DNHD1: variants seen among roughly 807,000 people sequenced by gnomAD.
DNHD1 encodes the protein dynein heavy chain domain 1.
Under a neutral mutation model 458.1 loss-of-function variants are expected in DNHD1, and 383 were observed. The observed-to-expected ratio is 0.84, with a 90% CI of 0.77 to 0.91. DNHD1 has a LOEUF of 0.91. Among genes scored for constraint, DNHD1 ranks in the 40% least tolerant of loss-of-function variants. The probability of loss-of-function intolerance (pLI) is 0.00; values close to 1 mark genes in which losing one functional copy is unlikely to be tolerated. For missense variants in DNHD1, 5,336 were observed against 5,866.1 expected, an observed-to-expected ratio of 0.91 and a Z score of 2.95; for synonymous variants, 2,203 against 2,376.9, an observed-to-expected ratio of 0.93 and a Z score of 2.13.
intron 28 of DNHD1, among the ~76,000 whole-genome samples, chr11:6,561,075 C>A (rs1299374271): frequency 6.6e-6 from 1 of 152,124 alleles, no homozygotes; most frequent in Non-Finnish European, 1.5e-5. Context: ...GAGGATTAAA[C>A]AAGATCTTAC....
Position 6,498,780 on chromosome 11 carries a change from A to G in DNHD1, c.565A>G (p.Thr189Ala). ...EELATWLRPL[T>A]LPELQRCLGI... ...GCTGGCCACCTGGCTGCGACCATTG[A>G]CACTGCCTGAGCTACAGCGCTGCCT... The change falls in exon 3 of 43, where the codon ACA becomes GCA. Residue 189 changes from threonine to alanine, a missense_variant. This residue lies in a region of DNHD1 where 3,932 missense variants were observed against 4,365.6 expected (regional missense o/e 0.90). Coordinates refer to ENST00000254579, the MANE Select transcript of DNHD1 (RefSeq NM_144666.3). The G allele has an allele frequency of 6.2e-7, 1 of 1,614,188 alleles. No homozygotes were observed. The highest frequency in any genetic ancestry group is 2.2e-5 in the East Asian group (1 of 44,886).
At position 6,548,896 on chromosome 11, in the gene DNHD1, C is replaced by T. The variant is rs1404533398; in HGVS notation, c.7350C>T (p.Leu2450=). The change falls in exon 24 of 43, where the codon CTC becomes CTT. Residue 2450 remains leucine, a synonymous_variant. Transcript: ENST00000254579. The surrounding 1 kb of genome is among the most constrained non-coding windows in gnomAD (Gnocchi z 4.4). ...ATCACCAGGATTCTAAACCCTCCCT[C>T]CTCTTCTTGCTGGAGGACCTGCACC... ...PGHHQDSKPS[L]LFLLEDLHLA... 3.9e-6 allele frequency: 6 copies of T among 1,551,730 alleles called. No homozygotes were observed. In the South Asian group the frequency reaches 5.9e-5, roughly 15 times the overall value.
chr11:6,503,006 C>T (rs1852168576), intron 4 of DNHD1, 80 bp downstream of exon 4: 17 of 1,504,888 alleles, frequency 1.1e-5, no homozygotes, highest in South Asian at 3.6e-5. Context: ...TCTTTCTCCA[C>T]GTGCGCACCC....
At chr11:6,551,808 G>GC (rs1373142721) in intron 24 of DNHD1, among the ~76,000 whole-genome samples, 1 of 152,158 alleles carries the variant, frequency 6.6e-6, no homozygotes, top group Non-Finnish European at 1.5e-5. Context: ...GGGCATGGTG[G>GC]CATGTACCTG....
chr11:6,501,474 T>A (rs1370822879), intron 3 of DNHD1, among the ~76,000 whole-genome samples: 2 of 152,008 alleles, frequency 1.3e-5, no homozygotes, highest in Non-Finnish European at 2.9e-5. Context: ...ATGGAGGAAT[T>A]AATCTTACAG....
chr11:6,563,529 G>A lies in DNHD1; in HGVS notation c.9817G>A (p.Ala3273Thr). 1 of 1,551,672 alleles carries A rather than the reference G, an allele frequency of 6.4e-7. No individual in the cohort carries two copies. Among genetic ancestry groups the A allele is most frequent in the Non-Finnish European group, 8.7e-7 (1 of 1,146,984 alleles). Residue 3273 changes from alanine to threonine, a missense_variant, in exon 30 of 43, where the codon GCC (alanine) becomes ACC (threonine). Ala to Thr is a moderately conservative substitution (Grantham distance 58). This residue lies in a region of DNHD1 where 3,932 missense variants were observed against 4,365.6 expected (regional missense o/e 0.90). Coordinates refer to ENST00000254579, the MANE Select transcript of DNHD1 (RefSeq NM_144666.3). ...CCACCATGAAACAGGCTGGGCCAGT[G>A]CCAAACAGCTGTTATGCACTGAGGA... ...LFHHETGWAS[A>T]KQLLCTEDFY...
chr11:6,524,114 T>C (rs1329318773), intron 10 of DNHD1, among the ~76,000 whole-genome samples: 1 of 152,250 alleles, frequency 6.6e-6, no homozygotes, highest in Non-Finnish European at 1.5e-5. Context: ...ATAGACTAGC[T>C]TTTCTTTCCA....
chr11:6,563,493 T>G lies in DNHD1; in HGVS notation c.9781T>G (p.Cys3261Gly). ...TGTGGTCCGGGTAACTGATGCAATG[T>G]GTGACTTGTTCCACCATGAAACAGG... is the stretch of plus-strand genomic sequence containing the variant. ...ESVVRVTDAM[C>G]DLFHHETGWA... The change falls in exon 30 of 43, where the codon TGT (cysteine) becomes GGT (glycine). Residue 3261 changes from cysteine (C) to glycine (G), a missense_variant. Coordinates refer to ENST00000254579, the MANE Select transcript of DNHD1 (RefSeq NM_144666.3). 6.4e-7 allele frequency: 1 copy of G among 1,551,710 alleles called. No individual in the cohort carries two copies.
rs57125759 is a variant in DNHD1 at position 6,527,472 on chromosome 11, T to C, written c.1838-1050T>C. ...CTATAAAGATTTTGACTGGAGAAACTGGAAGAACAGAGTTTCCATTTACTG... is the reference window on the plus strand; with the variant it reads ...CTATAAAGATTTTGACTGGAGAAACCGGAAGAACAGAGTTTCCATTTACTG... On this transcript the variant is annotated intron_variant, in intron 10 of 42. Coordinates refer to ENST00000254579, the MANE Select transcript of DNHD1 (RefSeq NM_144666.3). Among the ~76,000 whole-genome samples, 964 of 152,342 alleles carry C rather than the reference T, an allele frequency of 6.3e-3. 15 individuals carry two copies. The highest frequency in any genetic ancestry group is 0.021 in the African/African-American group (885 of 41,588).
rs1230474541 is a variant in DNHD1, at chr11:6,564,136, C to A, written c.10284+12C>A. ...CTACACAGCTCCAGGTAACCATCCC[C>A]CTCCCAGATGTCTCCCCCAAAGTTC... is the stretch of plus-strand genomic sequence containing the variant. On this transcript the variant is annotated intron_variant, in intron 31 of 42. Coordinates refer to ENST00000254579, the MANE Select transcript of DNHD1 (RefSeq NM_144666.3). 2 of 1,545,824 alleles carry A rather than the reference C, an allele frequency of 1.3e-6. No homozygotes were observed. The highest frequency in any genetic ancestry group is 3.9e-5 in the Admixed American group (2 of 50,926).
chr11:6,533,249 A>T, intron 13 of DNHD1, 65 bp downstream of exon 13: 1 of 1,488,146 alleles, frequency 6.7e-7, no homozygotes, highest in Non-Finnish European at 9.1e-7. Flanking sequence ...AGCTCAGCAC[A>T]CTCTCTTCAG....
Position 6,534,100 on chromosome 11 carries a change from C to G in DNHD1, c.2925C>G (p.Val975=), listed in dbSNP as rs1332837384. The G allele has an allele frequency of 1.9e-6, 3 of 1,551,530 alleles. No individual in the cohort carries two copies. Among genetic ancestry groups the G allele is most frequent in the Non-Finnish European group, 1.7e-6 (2 of 1,146,944 alleles). ...AGAGGAGTACTGAGCACCAGCTCGT[C>G]TCCCTAGAGCGTCAGTTCCAGAACA... The part of the protein sequence containing the change: ...QDQRSTEHQL[V]SLERQFQNTV... The change falls in exon 14 of 43, where the codon GTC becomes GTG. Residue 975 remains valine (V), a synonymous_variant. Coordinates refer to ENST00000254579, the MANE Select transcript of DNHD1 (RefSeq NM_144666.3).
chr11:6,552,076 T>TA (rs562119046), intron 24 of DNHD1, among the ~76,000 whole-genome samples: 1,626 of 145,326 alleles, frequency 0.011, 91 homozygotes, highest in African/African-American at 0.018. Flanking sequence ...GACCCTCATT[T>TA]AAAAAAAAAA....
intron 10 of DNHD1, among the ~76,000 whole-genome samples, chr11:6,522,961 G>C (rs1037112676): frequency 6.6e-6 from 1 of 152,174 alleles, no homozygotes; most frequent in Non-Finnish European, 1.5e-5. Context: ...CTAAACAAGA[G>C]AGTATTACTG....
chr11:6,539,739 C>G, intron 17 of DNHD1, 137 bp from the exon 18 acceptor site: 1 of 766,874 alleles, frequency 1.3e-6, no homozygotes. Context: ...GTCCCACTCT[C>G]GCTTCATCTC....
At chr11:6,499,086 C>A in intron 3 of DNHD1, 125 bp downstream of exon 3, 1 of 1,124,898 alleles carries the variant, frequency 8.9e-7, no homozygotes, top group Non-Finnish European at 1.2e-6. Context: ...AGCCCAACTC[C>A]ACACAAAGCT....
At chr11:6,515,085 A>G (rs1852432168) in intron 7 of DNHD1, among the ~76,000 whole-genome samples, 1 of 152,196 alleles carries the variant, frequency 6.6e-6, no homozygotes, top group South Asian at 2.1e-4. Flanking sequence ...TAGCTCATTG[A>G]TCCCTTCATG....
At chr11:6,550,592 C>T (rs1203173806) in intron 24 of DNHD1, among the ~76,000 whole-genome samples, 1 of 152,126 alleles carries the variant, frequency 6.6e-6, no homozygotes, top group Admixed American at 6.5e-5. Context: ...AGAATAGAAA[C>T]TGACCCTGAG....
intron 3 of DNHD1, among the ~76,000 whole-genome samples, chr11:6,501,945 T>C (rs539338371): frequency 1.3e-5 from 2 of 152,318 alleles, no homozygotes; most frequent in South Asian, 4.1e-4. Flanking sequence ...AGAATAGGAT[T>C]GCACTGTTAT....
Sources: allele counts gnomAD v4.1 joint callset (sites outside exome capture counted in the v4.1 genomes callset), GRCh38; gene constraint gnomAD v4.1.1; regional missense constraint gnomAD v4.1.1; non-coding constraint Gnocchi (gnomAD v3.1); transcripts MANE v1.5; gene names NCBI Gene and HGNC (gene_info 2026-07-23, HGNC 2026-07-21).